ANKFN1: variants seen among roughly 807,000 people sequenced by gnomAD.
ANKFN1 encodes the protein ankyrin repeat and fibronectin type-III domain-containing protein 1.
In ANKFN1, 74 loss-of-function variants were observed where a neutral mutation model predicts 108.7. The observed-to-expected ratio is 0.68, with a 90% CI of 0.56 to 0.83. The LOEUF (loss-of-function observed/expected upper bound fraction) is 0.83. ANKFN1 is among the 40% of genes least tolerant of loss of function. ANKFN1 has a pLI of 0.00. For missense variants in ANKFN1, 1,505 were observed against 1,382.3 expected (o/e 1.09, Z -1.41); for synonymous variants, 547 against 516.2 (o/e 1.06, Z -0.81).
intron 8 of ANKFN1, among the ~76,000 whole-genome samples, chr17:56,378,102 C>G (rs982148528): frequency 2.0e-5 from 3 of 152,236 alleles, no homozygotes; most frequent in African/African-American, 7.2e-5. Context: ...AAAAGCATCT[C>G]TCCTTGCAGA....
At chr17:56,125,272 C>G (rs1366682701) in intron 4 of ANKFN1, among the ~76,000 whole-genome samples, 2 of 152,168 alleles carry the variant, frequency 1.3e-5, no homozygotes, top group East Asian at 3.9e-4. Flanking sequence ...CCTCCTATCT[C>G]CAGCAATATG....
chr17:56,051,433 C>G, intron 4 of ANKFN1, among the ~76,000 whole-genome samples: 3 of 123,492 alleles, frequency 2.4e-5, no homozygotes, highest in African/African-American at 6.4e-5. Flanking sequence ...ATAATAAGAG[C>G]TATCTATGAC....
chr17:56,159,792 A>T (rs1193074031), intron 1 of ANKFN1, among the ~76,000 whole-genome samples: 1 of 152,064 alleles, frequency 6.6e-6, no homozygotes, highest in African/African-American at 2.4e-5. Context: ...GGACAGAAAG[A>T]TAGAGGGGCA....
intron 4 of ANKFN1, among the ~76,000 whole-genome samples, chr17:56,062,492 T>G (rs1904991398): frequency 6.6e-6 from 1 of 152,158 alleles, no homozygotes; most frequent in Non-Finnish European, 1.5e-5. Context: ...GTAGTGCCCT[T>G]CTTTGTCTTT....
intron 6 of ANKFN1, among the ~76,000 whole-genome samples, chr17:56,369,242 G>C (rs564783241): frequency 6.6e-6 from 1 of 152,154 alleles, no homozygotes; most frequent in Non-Finnish European, 1.5e-5. Flanking sequence ...CTGTATTGGG[G>C]TACAGGAATG....
At chr17:56,079,828 C>T (rs1214653957) in intron 4 of ANKFN1, among the ~76,000 whole-genome samples, 1 of 151,540 alleles carries the variant, frequency 6.6e-6, no homozygotes, top group African/African-American at 2.4e-5. Context: ...CTGTAAAAAA[C>T]ATTGGCACAT....
chr17:56,193,471 CAA>C, intron 1 of ANKFN1, among the ~76,000 whole-genome samples: 1 of 88,342 alleles, frequency 1.1e-5, no homozygotes, highest in South Asian at 3.7e-4. Flanking sequence ...TAAAAAAAAA[CAA>C]AAAAAATACA....
intron 4 of ANKFN1, among the ~76,000 whole-genome samples, chr17:56,058,608 C>T (rs1350148375): frequency 2.5e-5 from 3 of 118,936 alleles, no homozygotes; most frequent in Non-Finnish European, 5.3e-5. Context: ...CCCAAAAGGC[C>T]CTGCTGTGTG....
chr17:56,453,592 C>T (rs564979385), intron 11 of ANKFN1, among the ~76,000 whole-genome samples: 6 of 152,160 alleles, frequency 3.9e-5, no homozygotes, highest in Non-Finnish European at 7.4e-5. Context: ...TTGCCTTTTA[C>T]TACCATATTG....
At chr17:56,356,841 C>G (rs2046388923) in intron 6 of ANKFN1, among the ~76,000 whole-genome samples, 1 of 152,236 alleles carries the variant, frequency 6.6e-6, no homozygotes, top group African/African-American at 2.4e-5. Context: ...ACCATTCATC[C>G]AGATGTTGCC....
rs1364234445 is a variant in ANKFN1, at chr17:56,308,654, G to T, written c.54-17567G>T. 1.2e-4 allele frequency among the ~76,000 whole-genome samples: 19 copies of T among 152,062 alleles called. 1 individual carries two copies. Among genetic ancestry groups the T allele is most frequent in the Non-Finnish European group, 1.5e-5 (1 of 68,028 alleles). On this transcript the variant is annotated intron_variant, in intron 3 of 20. Coordinates refer to ENST00000682825, the MANE Select transcript of ANKFN1 (RefSeq NM_001370326.1). ...CTGCCTGACTTATTCTTGATCTTAGGGGGAAGCATTGTCTTTTACCATTTA... is the reference window on the plus strand; with the variant it reads ...CTGCCTGACTTATTCTTGATCTTAGTGGGAAGCATTGTCTTTTACCATTTA...
intron 3 of ANKFN1, among the ~76,000 whole-genome samples, chr17:56,306,561 C>T (rs2044833307): frequency 6.6e-6 from 1 of 152,144 alleles, no homozygotes. Context: ...CAAACCACTG[C>T]TCAGTGAAAT....
At chr17:56,451,186 A>G (rs1194394250) in intron 11 of ANKFN1, among the ~76,000 whole-genome samples, 2 of 152,328 alleles carry the variant, frequency 1.3e-5, no homozygotes, top group East Asian at 3.9e-4. Flanking sequence ...AATTTAAAAT[A>G]TACTTTAGAA....
chr17:56,283,524 GAT>G lies in ANKFN1; in HGVS notation c.54-42684_54-42683del, dbSNP rs567333825. ...ATCAACAAATGGATAAAGAAACTGT[GAT>G]ATATATATATATGATGGAATACTAC... On this transcript the variant is annotated intron_variant, in intron 3 of 20. Coordinates refer to ENST00000682825, the MANE Select transcript of ANKFN1 (RefSeq NM_001370326.1). Among the ~76,000 whole-genome samples the G allele has an allele frequency of 6.3e-4, 89 of 141,596 alleles. 8 individuals are homozygous for G. Among genetic ancestry groups the G allele is most frequent in the African/African-American group, 1.9e-3 (64 of 33,384 alleles). The allele number at this position is 141,596 out of a possible 152,430, so 92.9% of individuals were successfully genotyped here.
chr17:56,462,045 C>G (rs962444369), intron 14 of ANKFN1: 3 of 152,160 alleles, frequency 2.0e-5, no homozygotes, highest in Non-Finnish European at 4.4e-5. Flanking sequence ...GCCCTTCTCT[C>G]TAAGTTTCTT....
intron 3 of ANKFN1, among the ~76,000 whole-genome samples, chr17:56,288,047 G>C (rs758538044): frequency 2.7e-5 from 4 of 150,032 alleles, no homozygotes; most frequent in Non-Finnish European, 4.4e-5. Context: ...GTCATTGAAA[G>C]GCCCTGCATT....
At chr17:56,201,214 AG>A (rs1402472114) in intron 1 of ANKFN1, among the ~76,000 whole-genome samples, 1 of 152,122 alleles carries the variant, frequency 6.6e-6, no homozygotes. Flanking sequence ...CTCTCTCTCT[AG>A]CCAGGATGCT....
At chr17:56,464,044 C>T (rs766723463) in intron 14 of ANKFN1, 1 of 152,160 alleles carries the variant, frequency 6.6e-6, no homozygotes, top group African/African-American at 2.4e-5. Flanking sequence ...CAGGTATTAA[C>T]ATGGTCTATT....
intron 3 of ANKFN1, among the ~76,000 whole-genome samples, chr17:56,242,459 C>T (rs1416169878): frequency 6.6e-6 from 1 of 151,976 alleles, no homozygotes; most frequent in Non-Finnish European, 1.5e-5. Flanking sequence ...TGTGAATGAT[C>T]TTTATTCTAT....
Sources: allele counts gnomAD v4.1 joint callset (sites outside exome capture counted in the v4.1 genomes callset), GRCh38; gene constraint gnomAD v4.1.1; transcripts MANE v1.5; gene names NCBI Gene and HGNC (gene_info 2026-07-23, HGNC 2026-07-21).